Variants in POU2F2 observed in about 807,000 individuals in gnomAD.
The protein encoded by POU2F2 is POU domain, class 2, transcription factor 2.
Under a neutral mutation model 63.5 loss-of-function variants are expected in POU2F2, and 14 were observed. The observed-to-expected ratio is 0.22, with a 90% CI of 0.15 to 0.34. POU2F2 has a LOEUF of 0.34. Ranked by LOEUF, POU2F2 falls within the 10% of genes least tolerant of loss-of-function variation. The probability of loss-of-function intolerance (pLI) is 1.00; values close to 1 mark genes in which losing one functional copy is unlikely to be tolerated. For missense variants in POU2F2, 607 were observed against 815.2 expected, an observed-to-expected ratio of 0.74 and a Z score of 3.11; for synonymous variants, 306 against 348.6, an observed-to-expected ratio of 0.88 and a Z score of 1.36.
Position 42,096,023 on chromosome 19 carries a change from CATCT to C in POU2F2, c.729+55_729+58del. On this transcript the variant is annotated intron_variant, in intron 8 of 14. Coordinates refer to ENST00000692977, the MANE Select transcript of POU2F2 (RefSeq NM_001394376.1). The surrounding 1 kb of genome is among the most constrained non-coding windows in gnomAD (Gnocchi z 4.1). ...CGCCCACTGGCCACGCCCCTCGCGG[CATCT>C]ATCAACTGGCCACGCCCCCACGCCC... 6.2e-7 allele frequency: 1 copy of C among 1,610,108 alleles called. No homozygotes were observed. Among genetic ancestry groups the C allele is most frequent in the Non-Finnish European group, 8.5e-7 (1 of 1,178,096 alleles).
intron 1 of POU2F2, among the ~76,000 whole-genome samples, chr19:42,170,569 G>C (rs746008518): frequency 6.6e-6 from 1 of 152,192 alleles, no homozygotes; most frequent in Non-Finnish European, 1.5e-5. Context: ...TTGTGGGTGG[G>C]CATGTACACA....
At chr19:42,100,301 G>C (rs1396052152) in intron 5 of POU2F2, among the ~76,000 whole-genome samples, 1 of 151,610 alleles carries the variant, frequency 6.6e-6, no homozygotes, top group Non-Finnish European at 1.5e-5. Context: ...ATGATAGCCA[G>C]GATGGTCTCA....
chr19:42,104,140 A>G (rs577615289), intron 5 of POU2F2, among the ~76,000 whole-genome samples: 1 of 152,312 alleles, frequency 6.6e-6, no homozygotes, highest in African/African-American at 2.4e-5. Context: ...TTCACTCGCA[A>G]TAAGATAAAC....
intron 5 of POU2F2, among the ~76,000 whole-genome samples, chr19:42,104,073 T>C (rs984033693): frequency 3.9e-5 from 6 of 152,180 alleles, no homozygotes; most frequent in Non-Finnish European, 8.8e-5. Context: ...GACAGACAGG[T>C]CTGGAGAGTG....
rs536644773 is a variant in POU2F2 at position 42,126,986 on chromosome 19, G to A, written c.29-4410C>T. Among the ~76,000 whole-genome samples the A allele has an allele frequency of 6.6e-5, 10 of 152,106 alleles. No individual in the cohort carries two copies. The East Asian group carries it at 1.2e-3, about 18-fold the overall frequency. ...GGCTGGAATGCAGTGGCACAATCAC[G>A]GCTCACTGCAGCCTCGACCTCCTGG... On this transcript the variant is annotated intron_variant, in intron 1 of 14. Coordinates refer to ENST00000692977, the MANE Select transcript of POU2F2 (RefSeq NM_001394376.1).
At chr19:42,178,520 G>A (rs1283795317), upstream of POU2F2, among the ~76,000 whole-genome samples, 1 of 152,076 alleles carries the variant, frequency 6.6e-6, no homozygotes, top group African/African-American at 2.4e-5. Context: ...ATAGACCTGC[G>A]GAAACAGACA....
At chr19:42,100,465 G>A (rs1226386596) in intron 5 of POU2F2, among the ~76,000 whole-genome samples, 1 of 152,038 alleles carries the variant, frequency 6.6e-6, no homozygotes, top group African/African-American at 2.4e-5. Context: ...AAAAATGTAA[G>A]CCAGGCCGGG....
chr19:42,092,295 G>C lies in POU2F2; in HGVS notation c.1265-25C>G, dbSNP rs1406973129. 12 of 1,514,158 alleles carry C rather than the reference G, an allele frequency of 7.9e-6. No individual in the cohort carries two copies. The highest frequency in any genetic ancestry group is 1.1e-5 in the Non-Finnish European group (12 of 1,113,920). 93.8% of individuals were successfully genotyped at this position (1,514,158 alleles called of 1,614,324 possible). ...ACTGCCAGAGAGAGACAGAAAGATG[G>C]GGTCTTCAGCTTCCACTCGTCCCCC... On this transcript the variant is annotated intron_variant, in intron 12 of 14. Transcript: ENST00000692977. This position sits in a 1 kb window ranked among gnomAD's most constrained non-coding sequence, Gnocchi z 5.0.
chr19:42,112,221 T>C (rs1359861773), intron 5 of POU2F2, among the ~76,000 whole-genome samples: 3 of 152,108 alleles, frequency 2.0e-5, no homozygotes, highest in Non-Finnish European at 4.4e-5. Context: ...TGGTACCCAC[T>C]GCCCCTTCTT....
In POU2F2 at chr19:42,190,313, C is replaced by CTA. The variant is rs143152269; in HGVS notation, c.-70+6068_-70+6069dup. The stretch of plus-strand genomic sequence containing the variant: ...TGTGTGTATATATATGTATAAAAAC[C>CTA]TATATATATATATATGTTTGATAAC... On this transcript the variant is annotated intron_variant, in intron 1 of 5. Transcript: ENST00000532176. 5.3e-3 allele frequency among the ~76,000 whole-genome samples: 790 copies of CTA among 149,592 alleles called. 4 individuals are homozygous for CTA. The highest frequency in any genetic ancestry group is 0.016 in the African/African-American group (658 of 40,794).
chr19:42,130,863 G>A (rs1315221166), intron 1 of POU2F2, among the ~76,000 whole-genome samples: 2 of 147,816 alleles, frequency 1.4e-5, no homozygotes, highest in Non-Finnish European at 3.0e-5. Context: ...CCCCGTCCTG[G>A]CCCAACCCCT....
chr19:42,125,643 TC>T (rs1324992979), intron 1 of POU2F2, among the ~76,000 whole-genome samples: 3 of 151,970 alleles, frequency 2.0e-5, no homozygotes. Flanking sequence ...ATCCCACCCC[TC>T]CTAGCATCCC....
chr19:42,121,998 G>C (rs1295244917), intron 4 of POU2F2, 128 bp downstream of exon 4: 8 of 983,648 alleles, frequency 8.1e-6, no homozygotes, highest in East Asian at 2.5e-5. Context: ...AGTGAGAAGG[G>C]GCGGGAGGAA....
chr19:42,136,332 G>GCAC (rs962953669), upstream of POU2F2, among the ~76,000 whole-genome samples: 1 of 151,832 alleles, frequency 6.6e-6, no homozygotes, highest in Admixed American at 6.6e-5. Flanking sequence ...CCACAGGCGT[G>GCAC]CACCACCACA....
Position 42,095,716 on chromosome 19 carries a change from G to C in POU2F2, c.872-23C>G. 1 of 1,612,028 alleles carries C rather than the reference G, an allele frequency of 6.2e-7. No homozygotes were observed. The highest frequency in any genetic ancestry group is 2.2e-5 in the East Asian group (1 of 44,866). ...TCTCTGTGCGCCGGGGGAGACGTGA[G>C]CATGAGAAGGGGCCTCCCGCGGCCA... On this transcript the variant is annotated intron_variant, in intron 9 of 14. Coordinates refer to ENST00000692977, the MANE Select transcript of POU2F2 (RefSeq NM_001394376.1). The surrounding 1 kb of genome is among the most constrained non-coding windows in gnomAD (Gnocchi z 7.1).
At chr19:42,122,095 C>G in intron 4 of POU2F2, 31 bp downstream of exon 4, 2 of 1,593,002 alleles carry the variant, frequency 1.3e-6, no homozygotes, top group Non-Finnish European at 1.7e-6. Context: ...AAGCGCTGCC[C>G]ACTTCCCTGG....
rs1347568187 is a variant in POU2F2, at chr19:42,089,772, A to ATTGT, written c.*1481_*1484dup. 1 of 148,776 alleles carries ATTGT rather than the reference A, an allele frequency of 6.7e-6. No individual in the cohort carries two copies. Among genetic ancestry groups the ATTGT allele is most frequent in the Admixed American group, 6.7e-5 (1 of 14,864 alleles). 9.2% of individuals were successfully genotyped at this position (148,776 alleles called of 1,614,324 possible). ...TAAATTTTTTTTCTAGTTTAAATTTATTGTTTGTTTGTTTCTGTTTTTTTG... is the reference window on the plus strand; with the variant it reads ...TAAATTTTTTTTCTAGTTTAAATTTATTGTTTGTTTGTTTGTTTCTGTTTTTTTG... On this transcript the variant is annotated 3_prime_UTR_variant, in exon 15 of 15. Coordinates refer to ENST00000692977, the MANE Select transcript of POU2F2 (RefSeq NM_001394376.1).
chr19:42,125,845 C>T (rs983367817), intron 1 of POU2F2, among the ~76,000 whole-genome samples: 35 of 152,184 alleles, frequency 2.3e-4, no homozygotes, highest in Admixed American at 2.2e-3. Flanking sequence ...CCATGTCGAG[C>T]ATCTCCCCCT....
At chr19:42,147,605 T>C (rs898007659) in intron 2 of POU2F2, among the ~76,000 whole-genome samples, 1 of 152,220 alleles carries the variant, frequency 6.6e-6, no homozygotes, top group Non-Finnish European at 1.5e-5. Context: ...ACAGGTGGAA[T>C]GAATGACTTA....
Sources: gnomAD v4.1 joint callset for allele counts (sites outside exome capture counted in the v4.1 genomes callset) on GRCh38, gnomAD v4.1.1 for gene constraint, Gnocchi (gnomAD v3.1) non-coding constraint, MANE v1.5 for transcripts, NCBI Gene and HGNC (gene_info 2026-07-23, HGNC 2026-07-21) for gene names.